The following COL15A1 variants were observed in gnomAD, a reference collection of about 807,000 sequenced individuals.
COL15A1 encodes collagen alpha-1(XV) chain.
Under a neutral mutation model 165.9 loss-of-function variants are expected in COL15A1, and 111 were observed. The ratio of observed to expected loss-of-function variants is 0.67; its 90% confidence interval spans 0.57 to 0.78. The LOEUF (loss-of-function observed/expected upper bound fraction) is 0.78, where lower values mean the gene tolerates loss of function less well. COL15A1 is among the 30% of genes least tolerant of loss of function. The pLI, the probability that COL15A1 is intolerant of heterozygous loss-of-function variation, is 0.00. For synonymous variants in COL15A1, 659 were observed against 674.8 expected (o/e 0.98, Z 0.36); for missense variants, 1,745 against 1,789.7 (o/e 0.98, Z 0.45).
intron 5 of COL15A1, among the ~76,000 whole-genome samples, chr9:98,994,438 C>T (rs937790356): frequency 3.9e-5 from 6 of 152,258 alleles, no homozygotes; most frequent in Admixed American, 2.0e-4. Context: ...CCTACTTAGC[C>T]TTCAGGATCC....
intron 5 of COL15A1, 84 bp downstream of exon 5, chr9:98,989,342 T>TTC: frequency 9.1e-7 from 1 of 1,098,830 alleles, no homozygotes; most frequent in Non-Finnish European, 1.3e-6. Context: ...GAGTCCTGGG[T>TTC]CTGACCTCTT....
intron 3 of COL15A1, among the ~76,000 whole-genome samples, chr9:98,986,891 G>T (rs796490705): frequency 2.1e-4 from 32 of 152,312 alleles, no homozygotes; most frequent in African/African-American, 7.7e-4. Context: ...TGGAGGCAGG[G>T]AGGCTGTGGT....
chr9:99,067,801 A>G (rs181341807), intron 40 of COL15A1, among the ~76,000 whole-genome samples: 7 of 152,148 alleles, frequency 4.6e-5, no homozygotes, highest in Admixed American at 2.0e-4. Flanking sequence ...CACTGAAATT[A>G]TTTTTATTCT....
chr9:98,989,249 T>G lies in COL15A1; in HGVS notation c.795T>G (p.Thr265=), dbSNP rs768781757. 5 of 1,613,498 alleles carry G rather than the reference T, an allele frequency of 3.1e-6. No individual in the cohort carries two copies. In the African/African-American group the frequency reaches 6.7e-5, roughly 22 times the overall value. ...VAEILEAVTY[T]QASPKEAKVE... is the part of the protein sequence containing the mutation. ...AGATCTTAGAAGCCGTCACCTACAC[T>G]CAAGCCTCGGTGAGTACTGGGATGC... is the stretch of plus-strand genomic sequence containing the variant. Residue 265 remains threonine, a synonymous_variant, in exon 5 of 42, where the codon ACT becomes ACG. Coordinates refer to ENST00000375001, the MANE Select transcript of COL15A1 (RefSeq NM_001855.5).
intron 2 of COL15A1, among the ~76,000 whole-genome samples, chr9:98,952,622 A>G (rs1837707617): frequency 6.6e-6 from 1 of 152,116 alleles, no homozygotes; most frequent in Non-Finnish European, 1.5e-5. Flanking sequence ...CCTGGGCTCA[A>G]GCAATCCTCC....
chr9:98,947,166 T>G (rs1216980493), intron 2 of COL15A1, among the ~76,000 whole-genome samples: 1 of 152,150 alleles, frequency 6.6e-6, no homozygotes, highest in Non-Finnish European at 1.5e-5. Flanking sequence ...AGCTGGTGAA[T>G]AGATAAACAA....
chr9:99,031,266 TC>T (rs1206540220), intron 16 of COL15A1, among the ~76,000 whole-genome samples: 4 of 152,088 alleles, frequency 2.6e-5, no homozygotes, highest in African/African-American at 9.7e-5. Flanking sequence ...GCCCCTGTGA[TC>T]CCCATTCCTA....
intron 36 of COL15A1, among the ~76,000 whole-genome samples, chr9:99,060,254 A>ATTTT (rs1159740986): frequency 7.1e-6 from 1 of 140,758 alleles, no homozygotes; most frequent in African/African-American, 2.7e-5. Flanking sequence ...ATATATATAT[A>ATTTT]TATTTTTTTT....
At chr9:99,062,163 C>G (rs1333693599) in intron 37 of COL15A1, 64 bp downstream of exon 37, 4 of 1,599,682 alleles carry the variant, frequency 2.5e-6, no homozygotes, top group Non-Finnish European at 3.4e-6. Context: ...TAATCTACTC[C>G]CATAAATGCC....
chr9:99,006,656 TCTC>T (rs1838768447), intron 9 of COL15A1, among the ~76,000 whole-genome samples: 1 of 149,582 alleles, frequency 6.7e-6, no homozygotes, highest in Non-Finnish European at 1.5e-5. Flanking sequence ...CCCTTTCCTT[TCTC>T]CTCCTCTTCT....
intron 13 of COL15A1, among the ~76,000 whole-genome samples, chr9:99,022,897 A>AGT (rs1367217523): frequency 6.6e-6 from 1 of 152,204 alleles, no homozygotes; most frequent in Non-Finnish European, 1.5e-5. Context: ...CTGGGCACCC[A>AGT]GTGTGTCTCA....
intron 37 of COL15A1, 73 bp downstream of exon 37, chr9:99,062,172 C>G (rs541861109): frequency 1.9e-6 from 3 of 1,598,188 alleles, no homozygotes; most frequent in Non-Finnish European, 1.7e-6. Flanking sequence ...CCCATAAATG[C>G]CATTTTTTTC....
At chr9:99,034,433 A>AAG in intron 16 of COL15A1, 116 bp from the exon 17 acceptor site, 1 of 1,447,080 alleles carries the variant, frequency 6.9e-7, no homozygotes, top group African/African-American at 1.4e-5. Flanking sequence ...CTGAGACAGA[A>AAG]AGAGTCCTAT....
chr9:99,061,384 A>G (rs1323633642), intron 36 of COL15A1, among the ~76,000 whole-genome samples: 1 of 152,240 alleles, frequency 6.6e-6, no homozygotes, highest in Non-Finnish European at 1.5e-5. Flanking sequence ...GTGCTTCTAG[A>G]TATGCCAAAT....
chr9:99,031,135 T>C (rs1252440366), intron 16 of COL15A1, among the ~76,000 whole-genome samples: 1 of 152,114 alleles, frequency 6.6e-6, no homozygotes, highest in Non-Finnish European at 1.5e-5. Context: ...GCACCAACTT[T>C]CCATGAAGCT....
chr9:99,040,391 CTG>C, intron 22 of COL15A1, 128 bp from the exon 23 acceptor site: 1 of 1,461,738 alleles, frequency 6.8e-7, no homozygotes, highest in Non-Finnish European at 9.5e-7. Flanking sequence ...TTCCCTAATG[CTG>C]TGTCAATCCG....
At chr9:98,997,144 C>A in intron 6 of COL15A1, 63 bp downstream of exon 6, 1 of 1,591,922 alleles carries the variant, frequency 6.3e-7, no homozygotes, top group Non-Finnish European at 8.6e-7. Context: ...TGTGTCCAGC[C>A]GGGGCCATGT....
chr9:99,010,930 T>C (rs1288296130), intron 9 of COL15A1, among the ~76,000 whole-genome samples: 1 of 152,224 alleles, frequency 6.6e-6, no homozygotes, highest in Non-Finnish European at 1.5e-5. Flanking sequence ...TGCTGTTCTC[T>C]ATGGGGAATA....
intron 21 of COL15A1, 77 bp downstream of exon 21, chr9:99,036,473 T>C (rs1397370951): frequency 6.7e-7 from 1 of 1,497,848 alleles, no homozygotes; most frequent in East Asian, 2.3e-5. Flanking sequence ...GTCCATGACT[T>C]CAAAGCTTCT....
Sources: gnomAD v4.1 joint callset for allele counts (sites outside exome capture counted in the v4.1 genomes callset) on GRCh38, gnomAD v4.1.1 for gene constraint, MANE v1.5 for transcripts, NCBI Gene and HGNC (gene_info 2026-07-23, HGNC 2026-07-21) for gene names.